Variants in ALK observed in about 807,000 individuals in gnomAD.
The protein encoded by ALK is ALK receptor tyrosine kinase.
A neutral mutation model predicts 163.1 loss-of-function variants in ALK; 74 were observed. The ratio of observed to expected loss-of-function variants is 0.45; its 90% CI spans 0.38 to 0.55. ALK has a LOEUF of 0.55. Ranked by LOEUF, ALK falls within the 20% of genes least tolerant of loss-of-function variation. The pLI is 0.00. For missense variants in ALK, 2,063 were observed against 2,105.3 expected, an observed-to-expected ratio of 0.98 and a Z score of 0.39; for synonymous variants, 960 against 843.2, an observed-to-expected ratio of 1.14 and a Z score of -2.40.
intron 4 of ALK, among the ~76,000 whole-genome samples, chr2:29,432,944 C>T (rs1277515719): frequency 6.6e-6 from 1 of 152,144 alleles, no homozygotes; most frequent in Admixed American, 6.5e-5. Flanking sequence ...TTGATCATTT[C>T]CCTGCTCTGG....
At chr2:29,810,906 T>G (rs1664741780) in intron 1 of ALK, among the ~76,000 whole-genome samples, 1 of 151,972 alleles carries the variant, frequency 6.6e-6, no homozygotes, top group Non-Finnish European at 1.5e-5. Context: ...CTGCACACTC[T>G]CAGAAGAAAA....
At chr2:29,216,942 T>G (rs747673066) in intron 23 of ALK, among the ~76,000 whole-genome samples, 94 of 39,354 alleles carry the variant, frequency 2.4e-3, no homozygotes, top group South Asian at 0.015. Context: ...GGGGTGTGTG[T>G]GTGGCATGTG....
intron 1 of ALK, among the ~76,000 whole-genome samples, chr2:29,781,694 G>C (rs1681335634): frequency 6.6e-6 from 1 of 152,178 alleles, no homozygotes; most frequent in South Asian, 2.1e-4. Context: ...TAAAGTAGTA[G>C]CTCATCATTG....
chr2:29,638,598 G>T (rs996944768), intron 3 of ALK, among the ~76,000 whole-genome samples: 7 of 152,112 alleles, frequency 4.6e-5, no homozygotes, highest in Admixed American at 2.0e-4. Context: ...CCTTGCAAGG[G>T]TCTCGTCCTT....
intron 1 of ALK, among the ~76,000 whole-genome samples, chr2:29,851,641 A>G (rs985931124): frequency 1.3e-5 from 2 of 152,162 alleles, no homozygotes; most frequent in African/African-American, 4.8e-5. Context: ...CCAGCTCCCA[A>G]GTATTGCTGC....
At chr2:29,833,589 G>C (rs965650731) in intron 1 of ALK, among the ~76,000 whole-genome samples, 6 of 152,142 alleles carry the variant, frequency 3.9e-5, no homozygotes, top group African/African-American at 1.4e-4. Flanking sequence ...GCACTTACCA[G>C]GTGCCAGGCA....
At chr2:29,385,695 C>T (rs1669016674) in intron 4 of ALK, among the ~76,000 whole-genome samples, 1 of 152,204 alleles carries the variant, frequency 6.6e-6, no homozygotes, top group African/African-American at 2.4e-5. Context: ...CAAGCCCAAC[C>T]TGTCCATTTT....
At chr2:29,524,115 C>T (rs896976745) in intron 4 of ALK, among the ~76,000 whole-genome samples, 10 of 152,180 alleles carry the variant, frequency 6.6e-5, no homozygotes, top group Admixed American at 2.6e-4. Flanking sequence ...TTGAACGGGG[C>T]TTTAATTTTT....
At chr2:29,818,613 T>C (rs4429434) in intron 1 of ALK, among the ~76,000 whole-genome samples, 11,209 of 152,298 alleles carry the variant, frequency 0.074, 532 homozygotes, top group Admixed American at 0.11. Flanking sequence ...GAATATTCCG[T>C]TGCATAAGAA....
chr2:29,761,639 G>A (rs1159800564), intron 1 of ALK, among the ~76,000 whole-genome samples: 1 of 152,218 alleles, frequency 6.6e-6, no homozygotes, highest in Non-Finnish European at 1.5e-5. Context: ...GCTGTCTGCT[G>A]GGAACTCACT....
At chr2:29,309,777 C>T (rs145131197) in intron 8 of ALK, among the ~76,000 whole-genome samples, 20 of 152,144 alleles carry the variant, frequency 1.3e-4, no homozygotes, top group African/African-American at 3.1e-4. Context: ...TAATTATCAA[C>T]GAAGTGGGTT....
intron 4 of ALK, among the ~76,000 whole-genome samples, chr2:29,393,535 T>G (rs1342116597): frequency 6.6e-6 from 1 of 152,218 alleles, no homozygotes; most frequent in African/African-American, 2.4e-5. Flanking sequence ...TCCCCCTCAG[T>G]CCGTCACCAC....
intron 4 of ALK, among the ~76,000 whole-genome samples, chr2:29,522,132 C>T (rs1672831273): frequency 6.6e-6 from 1 of 152,130 alleles, no homozygotes; most frequent in South Asian, 2.1e-4. Context: ...GGGTAGTTAC[C>T]ATCCATAGAG....
At chr2:29,242,545 G>A (rs13400459) in intron 12 of ALK, among the ~76,000 whole-genome samples, 9,437 of 152,152 alleles carry the variant, frequency 0.062, 352 homozygotes, top group Non-Finnish European at 0.077. Context: ...CCACATCTGA[G>A]AGCCAGCCCC....
At chr2:29,208,295 T>C (rs189387418) in intron 25 of ALK, among the ~76,000 whole-genome samples, 112 of 152,216 alleles carry the variant, frequency 7.4e-4, no homozygotes, top group African/African-American at 2.6e-3. Flanking sequence ...ACCCGTGCCA[T>C]TGTACAAAGT....
chr2:29,240,989 G>A (rs1252737632), intron 12 of ALK, among the ~76,000 whole-genome samples: 2 of 152,148 alleles, frequency 1.3e-5, no homozygotes, highest in East Asian at 3.9e-4. Flanking sequence ...GGGGCCTCCC[G>A]GAGCTCTCAC....
chr2:29,453,175 G>C (rs904235550), intron 4 of ALK, among the ~76,000 whole-genome samples: 1 of 146,618 alleles, frequency 6.8e-6, no homozygotes, highest in Non-Finnish European at 1.5e-5. Flanking sequence ...TAGGTGATGG[G>C]TTTATAGAAA....
intron 26 of ALK, 33 bp from the exon 27 acceptor site, chr2:29,197,709 A>G (rs1573084900): frequency 6.3e-7 from 1 of 1,575,586 alleles, no homozygotes. Flanking sequence ...GGAGATGGAT[A>G]TAGACACACC....
At chr2:29,662,904 C>T (rs1459989280) in intron 3 of ALK, among the ~76,000 whole-genome samples, 1 of 152,052 alleles carries the variant, frequency 6.6e-6, no homozygotes, top group African/African-American at 2.4e-5. Flanking sequence ...GAATAAGTAC[C>T]ATATCTTTTA....
Sources: allele counts gnomAD v4.1 joint callset (sites outside exome capture counted in the v4.1 genomes callset), GRCh38; gene constraint gnomAD v4.1.1; transcripts MANE v1.5; gene names NCBI Gene and HGNC (gene_info 2026-07-23, HGNC 2026-07-21).